The following ANO1 variants were observed in gnomAD, a reference collection of about 807,000 sequenced individuals.
ANO1 encodes anoctamin-1.
A neutral mutation model predicts 124.0 loss-of-function variants in ANO1; 59 were observed. That is an observed-to-expected ratio of 0.48 (90% CI 0.39 to 0.59). ANO1 has a LOEUF of 0.59. Ranked by LOEUF, ANO1 falls within the 20% of genes least tolerant of loss-of-function variation. The pLI is 0.00. For missense variants in ANO1, 1,059 were observed against 1,328.0 expected (o/e 0.80, Z 3.15); for synonymous variants, 529 against 532.0 (o/e 0.99, Z 0.08).
chr11:70,053,582 CATA>C (rs1464031582), intron 1 of ANO1, among the ~76,000 whole-genome samples: 1 of 152,082 alleles, frequency 6.6e-6, no homozygotes, highest in African/African-American at 2.4e-5. Context: ...TCAGTTTGGT[CATA>C]ATATTTTAAC....
At chr11:69,989,030 T>C (rs782171177) in intron 1 of ANO1, among the ~76,000 whole-genome samples, 48 of 151,392 alleles carry the variant, frequency 3.2e-4, no homozygotes, top group Non-Finnish European at 5.6e-4. Flanking sequence ...GGAAGGAAGG[T>C]GATGTTAGCT....
At chr11:70,124,531 A>G (rs2515258) in intron 9 of ANO1, 117 bp downstream of exon 9, 996,740 of 1,055,164 alleles carry the variant, frequency 0.94, 471,678 homozygotes, top group Admixed American at 0.96. Context: ...GTTTGAACTC[A>G]AAGAGCTTGT....
At chr11:69,972,039 G>A in the ANO1 span, among the ~76,000 whole-genome samples, 6 of 150,450 alleles carry the variant, frequency 4.0e-5, no homozygotes, top group Non-Finnish European at 8.9e-5. Context: ...TGCCCAATAT[G>A]GCGAAACCCC....
At position 70,040,751 on chromosome 11, in the gene ANO1, C is replaced by T. The variant is rs537561470; in HGVS notation, c.59-37791C>T. 6.0e-4 allele frequency among the ~76,000 whole-genome samples: 91 copies of T among 152,224 alleles called. 1 individual carries two copies. The highest frequency in any genetic ancestry group is 1.0e-3 in the South Asian group (5 of 4,828). ...TCGAAGGACACTGACTGCTGCAGCACGATCTGTGAAGACAGGTCAATCAGA... is the reference window on the plus strand; with the variant it reads ...TCGAAGGACACTGACTGCTGCAGCATGATCTGTGAAGACAGGTCAATCAGA... On this transcript the variant is annotated intron_variant, in intron 1 of 27. Coordinates refer to the ANO1 transcript ENST00000531349.
Position 70,108,516 on chromosome 11 carries a change from T to C in ANO1, c.799+112T>C, listed in dbSNP as rs551986355. The C allele has an allele frequency of 2.0e-4, 253 of 1,234,964 alleles. 1 individual carries two copies. Among genetic ancestry groups the C allele is most frequent in the Non-Finnish European group, 2.8e-4 (239 of 853,448 alleles). 76.5% of individuals were successfully genotyped at this position (1,234,964 alleles called of 1,614,324 possible). A position where few individuals can be genotyped will look rare whatever the true frequency, so the allele number is the denominator to read the frequency against. On this transcript the variant is annotated intron_variant, in intron 6 of 25. Coordinates refer to ENST00000355303, the MANE Select transcript of ANO1 (RefSeq NM_018043.7). ...CGGCTTGGGGTGTTTAAGAGGGTTT[T>C]GATTTAAGCCTGTGTAACAGTTCCA...
At chr11:70,007,718 G>C (rs532240983) in intron 1 of ANO1, among the ~76,000 whole-genome samples, 1 of 152,328 alleles carries the variant, frequency 6.6e-6, no homozygotes, top group African/African-American at 2.4e-5. Flanking sequence ...AACGAACCTA[G>C]GTGTGCAGAT....
intron 19 of ANO1, among the ~76,000 whole-genome samples, chr11:70,164,153 C>T (rs1339716261): frequency 1.3e-5 from 2 of 152,230 alleles, no homozygotes; most frequent in Non-Finnish European, 2.9e-5. Context: ...GTTTGTCCCA[C>T]AACCAGGGGC....
At chr11:70,044,883 G>A (rs1395091698) in intron 1 of ANO1, among the ~76,000 whole-genome samples, 1 of 152,130 alleles carries the variant, frequency 6.6e-6, no homozygotes, top group Non-Finnish European at 1.5e-5. Context: ...GGAAAAACAA[G>A]CTGTTAAAGA....
upstream of ANO1, among the ~76,000 whole-genome samples, chr11:69,984,295 T>C (rs1410109202): frequency 6.6e-6 from 1 of 152,158 alleles, no homozygotes; most frequent in Non-Finnish European, 1.5e-5. Flanking sequence ...CCGGGGCTTC[T>C]TGGCATGCTC....
At chr11:70,107,817 T>C (rs1447159616) in intron 5 of ANO1, among the ~76,000 whole-genome samples, 1 of 152,164 alleles carries the variant, frequency 6.6e-6, no homozygotes, top group Non-Finnish European at 1.5e-5. Context: ...TCAGCAGGGC[T>C]CTGCCCAGGC....
At chr11:70,176,015 A>G (rs778942084) in intron 22 of ANO1, among the ~76,000 whole-genome samples, 8 of 152,188 alleles carry the variant, frequency 5.3e-5, no homozygotes, top group Non-Finnish European at 1.0e-4. Context: ...ACATGGGCCC[A>G]AGGTGGCCGT....
At chr11:70,156,082 T>A (rs2047806198) in intron 15 of ANO1, 94 bp downstream of exon 15, 3 of 1,241,492 alleles carry the variant, frequency 2.4e-6, no homozygotes, top group Non-Finnish European at 2.1e-6. Context: ...TGTATATATT[T>A]TTTTTTAACA....
At chr11:70,085,356 G>C in intron 1 of ANO1, 1 of 1,411,232 alleles carries the variant, frequency 7.1e-7, no homozygotes, top group Non-Finnish European at 9.3e-7. Context: ...CCACATGGGC[G>C]TGGTCGTGGC....
chr11:70,067,570 C>T (rs1318641230), intron 1 of ANO1, among the ~76,000 whole-genome samples: 1 of 152,330 alleles, frequency 6.6e-6, no homozygotes, highest in Admixed American at 6.5e-5. Context: ...TCAAGTGATC[C>T]GTCTGCCTCA....
chr11:69,992,796 C>T (rs932381352), intron 1 of ANO1, among the ~76,000 whole-genome samples: 3 of 152,212 alleles, frequency 2.0e-5, no homozygotes, highest in African/African-American at 4.8e-5. Context: ...CCCTCGTCAA[C>T]GTCTATCATG....
At chr11:70,124,448 C>A (rs1487679435) in intron 9 of ANO1, 34 bp downstream of exon 9, 1 of 1,603,236 alleles carries the variant, frequency 6.2e-7, no homozygotes, top group Non-Finnish European at 8.5e-7. Context: ...GGAATCAAGT[C>A]CCTACTCCGA....
At chr11:70,108,210 C>T (rs2045634550) in intron 5 of ANO1, 143 bp from the exon 6 acceptor site, 3 of 700,068 alleles carry the variant, frequency 4.3e-6, no homozygotes, top group African/African-American at 1.7e-5. Flanking sequence ...TGAATAAATG[C>T]CATTGTCTTT....
rs374972028 is a variant in ANO1 at position 70,185,603 on chromosome 11, C to A, written c.2602C>A (p.Arg868=). ...GGTCTTTTGCAGGTATAAAGACTAC[C>A]GAGAGCCGCCGTGGTCGGAAAACAA... The part of the protein sequence containing the change: ...EVQICRYKDY[R]EPPWSENKYD... Residue 868 remains arginine (R), a synonymous_variant, in exon 25 of 26, where the codon CGA becomes AGA. Coordinates refer to ENST00000355303, the MANE Select transcript of ANO1 (RefSeq NM_018043.7). 2.1e-5 allele frequency: 34 copies of A among 1,613,862 alleles called. No individual in the cohort carries two copies. The African/African-American group carries it at 4.1e-4, about 20-fold the overall frequency.
At chr11:70,118,878 G>C (rs1020393678) in intron 8 of ANO1, among the ~76,000 whole-genome samples, 1 of 150,966 alleles carries the variant, frequency 6.6e-6, no homozygotes, top group African/African-American at 2.4e-5. Context: ...TGGATGATGG[G>C]TGGGTGAGCA....
Sources: allele counts gnomAD v4.1 joint callset (sites outside exome capture counted in the v4.1 genomes callset), GRCh38; gene constraint gnomAD v4.1.1; transcripts MANE v1.5; gene names NCBI Gene and HGNC (gene_info 2026-07-23, HGNC 2026-07-21).